Variants in NEK1 observed in about 807,000 individuals in gnomAD.
NEK1 encodes serine/threonine-protein kinase Nek1.
In NEK1, 137 loss-of-function variants were observed where a neutral mutation model predicts 182.1. That is an observed-to-expected ratio of 0.75 (90% CI 0.65 to 0.87). NEK1 has a LOEUF of 0.87. Among genes scored for constraint, NEK1 ranks in the 40% least tolerant of loss-of-function variants. NEK1 has a pLI of 0.00. For missense variants in NEK1, 1,391 were observed against 1,494.4 expected, an observed-to-expected ratio of 0.93 and a Z score of 1.14; for synonymous variants, 513 against 492.2, an observed-to-expected ratio of 1.04 and a Z score of -0.56.
chr4:169,562,520 T>C (rs887854254), intron 12 of NEK1, among the ~76,000 whole-genome samples: 2 of 151,988 alleles, frequency 1.3e-5, no homozygotes. Flanking sequence ...ATAATTTTTT[T>C]AAAAAAATTA....
At chr4:169,609,773 T>C (rs544922872) in intron 2 of NEK1, among the ~76,000 whole-genome samples, 19 of 152,152 alleles carry the variant, frequency 1.2e-4, no homozygotes, top group Non-Finnish European at 2.1e-4. Flanking sequence ...AAATGTATTA[T>C]CTATTCAAAA....
intron 19 of NEK1, among the ~76,000 whole-genome samples, chr4:169,510,226 C>G (rs1561322367): frequency 6.6e-6 from 1 of 152,164 alleles, no homozygotes; most frequent in East Asian, 1.9e-4. Context: ...TGCCAATTCC[C>G]AAACCTTGCA....
intron 23 of NEK1, among the ~76,000 whole-genome samples, chr4:169,486,934 G>A (rs974579561): frequency 9.2e-5 from 14 of 151,792 alleles, no homozygotes; most frequent in East Asian, 5.8e-4. Context: ...AAACTGAATC[G>A]ATCTTCCTTA....
At chr4:169,545,591 G>GT (rs1161799979) in intron 18 of NEK1, among the ~76,000 whole-genome samples, 7 of 148,070 alleles carry the variant, frequency 4.7e-5, no homozygotes, top group Non-Finnish European at 1.0e-4. Flanking sequence ...GGGTCAAATG[G>GT]TATTTCTAGT....
At position 169,400,640 on chromosome 4, in the gene NEK1, C is replaced by T; in HGVS notation, c.3595G>A (p.Gly1199Ser). The change falls in exon 34 of 36, where the codon GGT (glycine) becomes AGT (serine). Residue 1199 changes from glycine to serine, a missense_variant. Physicochemically the swap from Gly to Ser is moderately conservative, Grantham distance 56. Transcript: ENST00000507142. ...NEEWHSDNSDGEIASECECDS... is the reference protein window; with the variant it reads ...NEEWHSDNSDSEIASECECDS... ...CATTCACATTCACTAGCAATTTCAC[C>T]ATCACTGTTATCTAAAAAACAAAAT... The T allele has an allele frequency of 4.4e-6, 7 of 1,587,638 alleles. No homozygotes were observed. The highest frequency in any genetic ancestry group is 5.1e-6 in the Non-Finnish European group (6 of 1,166,082).
chr4:169,421,961 T>A (rs539025237), intron 31 of NEK1, among the ~76,000 whole-genome samples: 1 of 152,318 alleles, frequency 6.6e-6, no homozygotes, highest in South Asian at 2.1e-4. Flanking sequence ...TTAAGAAATT[T>A]GTTAGAGTAG....
At chr4:169,580,553 A>C (rs1056497591) in intron 11 of NEK1, among the ~76,000 whole-genome samples, 15 of 151,668 alleles carry the variant, frequency 9.9e-5, no homozygotes, top group Non-Finnish European at 1.8e-4. Context: ...CAAAAATTGG[A>C]CATTTTACAA....
intron 19 of NEK1, among the ~76,000 whole-genome samples, chr4:169,536,989 T>A (rs964025539): frequency 6.6e-6 from 1 of 152,194 alleles, no homozygotes; most frequent in Non-Finnish European, 1.5e-5. Context: ...AAAAACATAC[T>A]ATATTGAACT....
At chr4:169,476,812 CAG>C (rs985154138) in intron 26 of NEK1, among the ~76,000 whole-genome samples, 2 of 152,046 alleles carry the variant, frequency 1.3e-5, no homozygotes, top group African/African-American at 4.8e-5. Flanking sequence ...TTCATAGTAA[CAG>C]ATTAATTTAA....
At chr4:169,580,744 T>C (rs557391353) in intron 11 of NEK1, 98 bp downstream of exon 11, 8 of 746,256 alleles carry the variant, frequency 1.1e-5, no homozygotes, top group Middle Eastern at 4.6e-4. Flanking sequence ...AAATTTATCC[T>C]AGAATTATCC....
chr4:169,558,581 G>A (rs1762471188), intron 16 of NEK1, among the ~76,000 whole-genome samples: 1 of 152,114 alleles, frequency 6.6e-6, no homozygotes, highest in Non-Finnish European at 1.5e-5. Context: ...TTGATCCATG[G>A]TGTTGCATGT....
At chr4:169,582,613 AATC>A (rs1044097757) in intron 10 of NEK1, among the ~76,000 whole-genome samples, 13 of 152,118 alleles carry the variant, frequency 8.5e-5, no homozygotes, top group African/African-American at 3.1e-4. Flanking sequence ...CCCCAAATCT[AATC>A]ATTTCTTCCA....
In NEK1 at chr4:169,477,346, G is replaced by A. The variant is rs780469027; in HGVS notation, c.2212C>T (p.Arg738Ter). 1.5e-5 allele frequency: 24 copies of A among 1,568,360 alleles called. No homozygotes were observed. Among genetic ancestry groups the A allele is most frequent in the South Asian group, 2.3e-5 (2 of 85,208 alleles). ...QKTNNAISSKREILRRLNENL... is the reference protein window; with the variant it reads ...QKTNNAISSK The stretch of plus-strand genomic sequence containing the variant: ...TCATTTAATCTACGAAGTATTTCTC[G>A]CTTACTCTGAAAGTCACGACATTAT... Residue 738 changes from arginine to a stop codon, truncating the protein, a stop_gained, in exon 26 of 36, where the codon CGA becomes TGA. Transcript: ENST00000507142. LOFTEE classifies it high-confidence loss of function.
chr4:169,408,563 C>G (rs1401254834), intron 31 of NEK1, among the ~76,000 whole-genome samples: 1 of 151,992 alleles, frequency 6.6e-6, no homozygotes, highest in African/African-American at 2.4e-5. Context: ...TATTGGTGCA[C>G]GCAACACCCG....
intron 19 of NEK1, among the ~76,000 whole-genome samples, chr4:169,510,581 T>C (rs946989805): frequency 6.6e-6 from 1 of 152,138 alleles, no homozygotes; most frequent in Non-Finnish European, 1.5e-5. Context: ...TAGTCTCACA[T>C]CCCACAATTC....
In NEK1 at chr4:169,424,507, C is replaced by T. The variant is rs916029850; in HGVS notation, c.3222+46G>A. On this transcript the variant is annotated intron_variant, in intron 31 of 35. Transcript: ENST00000507142. ...GGTTTATAAAAGAAAAACAATAATA[C>T]ATGTTATCGAATGGATAATATTTTC... is the stretch of plus-strand genomic sequence containing the variant. The T allele has an allele frequency of 3.3e-6, 5 of 1,510,112 alleles. No homozygotes were observed. In the African/African-American group the frequency reaches 5.6e-5, roughly 17 times the overall value. 93.5% of individuals were successfully genotyped at this position (1,510,112 alleles called of 1,614,324 possible).
intron 23 of NEK1, among the ~76,000 whole-genome samples, chr4:169,504,655 T>C (rs1233560616): frequency 6.6e-6 from 1 of 152,340 alleles, no homozygotes; most frequent in East Asian, 1.9e-4. Flanking sequence ...TTTGCACGTT[T>C]TCACTTATTT....
chr4:169,521,096 CT>C (rs1236382481), intron 19 of NEK1, among the ~76,000 whole-genome samples: 3 of 77,962 alleles, frequency 3.8e-5, no homozygotes, highest in Non-Finnish European at 5.3e-5. Flanking sequence ...GCGGGCGCCC[CT>C]CCCCCAGCCT....
chr4:169,411,286 A>AC (rs1168817615), intron 31 of NEK1, among the ~76,000 whole-genome samples: 1 of 138,310 alleles, frequency 7.2e-6, no homozygotes, highest in Non-Finnish European at 1.6e-5. Context: ...ATCTGACTCT[A>AC]TTTTTTTTTT....
Sources: allele counts gnomAD v4.1 joint callset (sites outside exome capture counted in the v4.1 genomes callset), GRCh38; gene constraint gnomAD v4.1.1; transcripts MANE v1.5; gene names NCBI Gene and HGNC (gene_info 2026-07-23, HGNC 2026-07-21).